The following PPP4R3B variants were observed in gnomAD, a reference collection of about 807,000 sequenced individuals.
The protein encoded by PPP4R3B is protein phosphatase 4 regulatory subunit 3B.
PPP4R3B carries 52 observed loss-of-function variants against 95.4 expected under a neutral mutation model. The observed-to-expected ratio is 0.54, with a 90% confidence interval of 0.44 to 0.69. PPP4R3B has a LOEUF of 0.69. PPP4R3B is among the 30% of genes least tolerant of loss of function. The pLI, the probability that PPP4R3B is intolerant of heterozygous loss-of-function variation, is 0.00. For synonymous variants in PPP4R3B, 407 were observed against 343.9 expected, an observed-to-expected ratio of 1.18 and a Z score of -2.03; for missense variants, 1,003 against 1,005.9, an observed-to-expected ratio of 1.00 and a Z score of 0.04.
chr2:55,578,190 T>C, intron 10 of PPP4R3B, 57 bp downstream of exon 10: 1 of 1,312,794 alleles, frequency 7.6e-7, no homozygotes, highest in East Asian at 2.9e-5. Flanking sequence ...ATACCGTATA[T>C]ACACATCATA....
At chr2:55,607,150 C>T (rs1693530350) in intron 2 of PPP4R3B, among the ~76,000 whole-genome samples, 1 of 152,202 alleles carries the variant, frequency 6.6e-6, no homozygotes, top group Admixed American at 6.5e-5. Flanking sequence ...GTTTCTCATA[C>T]TACACTATCA....
At chr2:55,590,848 G>A (rs551742357) in intron 4 of PPP4R3B, among the ~76,000 whole-genome samples, 4 of 152,190 alleles carry the variant, frequency 2.6e-5, no homozygotes, top group South Asian at 2.1e-4. Context: ...TTGAAATAAC[G>A]TGGAACATGT....
intron 2 of PPP4R3B, 21 bp from the exon 3 acceptor site, chr2:55,604,097 C>T: frequency 1.3e-6 from 2 of 1,554,836 alleles, no homozygotes; most frequent in South Asian, 1.2e-5. Flanking sequence ...ATAAATATTT[C>T]CATATCATCA....
At chr2:55,600,417 A>G (rs992246502) in intron 3 of PPP4R3B, among the ~76,000 whole-genome samples, 4 of 103,652 alleles carry the variant, frequency 3.9e-5, no homozygotes, top group African/African-American at 1.6e-4. Flanking sequence ...CGAGAGTGAA[A>G]CTCTGTCTCA....
intron 10 of PPP4R3B, among the ~76,000 whole-genome samples, chr2:55,577,607 G>A (rs1014794636): frequency 6.6e-6 from 1 of 152,046 alleles, no homozygotes; most frequent in Non-Finnish European, 1.5e-5. Flanking sequence ...ATTACAACCA[G>A]AGATAAAACT....
chr2:55,603,731 A>G (rs186932215), intron 3 of PPP4R3B, among the ~76,000 whole-genome samples: 3 of 152,344 alleles, frequency 2.0e-5, no homozygotes, highest in African/African-American at 7.2e-5. Context: ...ATTTTACAAT[A>G]TAAGGTATTA....
chr2:55,563,667 C>A (rs1431550256), intron 15 of PPP4R3B, among the ~76,000 whole-genome samples: 1 of 152,108 alleles, frequency 6.6e-6, no homozygotes, highest in Admixed American at 6.5e-5. Flanking sequence ...AGCCGCCATG[C>A]CCAGCAAGGT....
At chr2:55,596,215 A>G (rs1486107448) in intron 4 of PPP4R3B, among the ~76,000 whole-genome samples, 1 of 152,212 alleles carries the variant, frequency 6.6e-6, no homozygotes, top group African/African-American at 2.4e-5. Flanking sequence ...TTAATTTTAC[A>G]TAAACACGCT....
intron 2 of PPP4R3B, 132 bp downstream of exon 2, chr2:55,615,319 A>T (rs1167922060): frequency 1.4e-6 from 1 of 722,844 alleles, no homozygotes; most frequent in East Asian, 2.8e-5. Flanking sequence ...TTAACCTGCA[A>T]GAGAAATACA....
In PPP4R3B at chr2:55,599,034, T is replaced by C. The variant is rs1421046410; in HGVS notation, c.303A>G (p.Gln101=). The C allele has an allele frequency of 4.4e-6, 7 of 1,597,078 alleles. No individual in the cohort carries two copies. Among genetic ancestry groups the C allele is most frequent in the Non-Finnish European group, 6.0e-6 (7 of 1,174,504 alleles). The change falls in exon 4 of 17, where the codon CAA becomes CAG. Residue 101 remains glutamine, a synonymous_variant. Transcript: ENST00000616407. ...TGACTTCCACTGATGGGTCTTTACC[T>C]TGAACCTAAAAATATCCAAGTATAC... ...DEIWEKICQV[Q]GKDPSVEVTQ... is the part of the protein sequence containing the mutation.
chr2:55,555,525 CCA>C (rs1685740154), intron 16 of PPP4R3B, among the ~76,000 whole-genome samples: 1 of 152,026 alleles, frequency 6.6e-6, no homozygotes, highest in East Asian at 1.9e-4. Flanking sequence ...ACGAGCCTGG[CCA>C]ACATGGTGAA....
chr2:55,571,323 G>A (rs1214514643), intron 12 of PPP4R3B, among the ~76,000 whole-genome samples: 31 of 151,526 alleles, frequency 2.0e-4, no homozygotes, highest in African/African-American at 7.5e-4. Flanking sequence ...AAAAAAAATG[G>A]AAATGCATTC....
At position 55,617,503 on chromosome 2, in the gene PPP4R3B, C is replaced by G. The variant is rs554957325; in HGVS notation, c.-218G>C. 6 of 460,186 alleles carry G rather than the reference C, an allele frequency of 1.3e-5. No individual in the cohort carries two copies. The South Asian group carries it at 2.6e-4, about 20-fold the overall frequency. The allele number at this position is 460,186 out of a possible 1,614,324, so 28.5% of individuals were successfully genotyped here. A position where few individuals can be genotyped will look rare whatever the true frequency, so the allele number is the denominator to read the frequency against. On this transcript the variant is annotated 5_prime_UTR_variant, in exon 1 of 17. Coordinates refer to ENST00000616407, the MANE Select transcript of PPP4R3B (RefSeq NM_001122964.3). ...GGAGGCCCCGTTACCTCTCACTTCACCCGCGCATACACCCACTCTCCCGTC... is the reference window on the plus strand; with the variant it reads ...GGAGGCCCCGTTACCTCTCACTTCAGCCGCGCATACACCCACTCTCCCGTC...
chr2:55,586,107 ATT>A (rs1327153117), intron 6 of PPP4R3B, among the ~76,000 whole-genome samples: 3 of 152,208 alleles, frequency 2.0e-5, no homozygotes, highest in Admixed American at 2.0e-4. Context: ...TAAAAGTTAT[ATT>A]GATTTCAATC....
Position 55,597,559 on chromosome 2 carries a change from T to G in PPP4R3B, c.921+857A>C, listed in dbSNP as rs190908496. Among the ~76,000 whole-genome samples, 183 of 152,132 alleles carry G rather than the reference T, an allele frequency of 1.2e-3. 4 individuals are homozygous for G. Among genetic ancestry groups the G allele is most frequent in the Admixed American group, 0.011 (169 of 15,274 alleles). ...ATGGCGTGAACCCGGGAGGCGGAGC[T>G]TGCAGTGAGCCAAGATTGCGCCACT... On this transcript the variant is annotated intron_variant, in intron 4 of 16. Coordinates refer to ENST00000616407, the MANE Select transcript of PPP4R3B (RefSeq NM_001122964.3).
At chr2:55,554,629 T>A (rs1685611299) in intron 16 of PPP4R3B, among the ~76,000 whole-genome samples, 1 of 152,258 alleles carries the variant, frequency 6.6e-6, no homozygotes, top group African/African-American at 2.4e-5. Flanking sequence ...GAGTTCTTTA[T>A]ATATTCTGGA....
intron 4 of PPP4R3B, among the ~76,000 whole-genome samples, chr2:55,597,867 T>A (rs543588293): frequency 1.3e-5 from 2 of 152,182 alleles, no homozygotes; most frequent in Non-Finnish European, 2.9e-5. Context: ...TCTACCTCAA[T>A]TTTAGAAACA....
intron 2 of PPP4R3B, among the ~76,000 whole-genome samples, chr2:55,609,667 CAA>C (rs58617547): frequency 1.5e-4 from 16 of 103,518 alleles, no homozygotes; most frequent in South Asian, 1.1e-3. Flanking sequence ...GACTGTGTCT[CAA>C]AAAAAAAAAA....
chr2:55,571,044 T>C (rs1351827394), intron 12 of PPP4R3B, among the ~76,000 whole-genome samples: 1 of 152,134 alleles, frequency 6.6e-6, no homozygotes, highest in Non-Finnish European at 1.5e-5. Context: ...GGTGCAGCGG[T>C]TCACACCTGT....
Sources: gnomAD v4.1 joint callset for allele counts (sites outside exome capture counted in the v4.1 genomes callset) on GRCh38, gnomAD v4.1.1 for gene constraint, MANE v1.5 for transcripts, NCBI Gene and HGNC (gene_info 2026-07-23, HGNC 2026-07-21) for gene names.